The following LONP2 variants were observed in gnomAD, a reference collection of about 807,000 sequenced individuals.
LONP2 encodes lon peptidase 2, peroxisomal.
Under a neutral mutation model 85.6 loss-of-function variants are expected in LONP2, and 60 were observed. The observed-to-expected ratio is 0.70, with a 90% CI of 0.57 to 0.87. The LOEUF is 0.87. Among genes scored for constraint, LONP2 ranks in the 40% least tolerant of loss-of-function variants. LONP2 has a pLI of 0.00. For missense variants in LONP2, 860 were observed against 1,063.5 expected, an observed-to-expected ratio of 0.81 and a Z score of 2.66; for synonymous variants, 395 against 389.7, an observed-to-expected ratio of 1.01 and a Z score of -0.16.
intron 7 of LONP2, among the ~76,000 whole-genome samples, chr16:48,274,794 T>C (rs1890521822): frequency 6.6e-6 from 1 of 152,312 alleles, no homozygotes; most frequent in Non-Finnish European, 1.5e-5. Context: ...GCCAGACTTA[T>C]CATTGGATTT....
chr16:48,316,252 C>T (rs1973140506), intron 11 of LONP2, among the ~76,000 whole-genome samples: 1 of 151,112 alleles, frequency 6.6e-6, no homozygotes, highest in African/African-American at 2.4e-5. Context: ...GGTGATCTGC[C>T]CTCCTCTGCC....
intron 9 of LONP2, among the ~76,000 whole-genome samples, chr16:48,298,293 A>G (rs571487624): frequency 6.6e-6 from 1 of 152,318 alleles, no homozygotes; most frequent in African/African-American, 2.4e-5. Flanking sequence ...TGCTTGTTAA[A>G]TGGAAAGGGA....
At chr16:48,318,396 G>T (rs1402317154) in intron 11 of LONP2, among the ~76,000 whole-genome samples, 1 of 152,114 alleles carries the variant, frequency 6.6e-6, no homozygotes, top group African/African-American at 2.4e-5. Flanking sequence ...GCACACACCT[G>T]TAGTCCCAGC....
rs1307692858 is a variant in LONP2 at position 48,355,854 on chromosome 16, TTAAAC to T, written c.*4055_*4059del. 6.6e-6 allele frequency: 1 copy of T among 152,220 alleles called. No individual in the cohort carries two copies. Among genetic ancestry groups the T allele is most frequent in the African/African-American group, 2.4e-5 (1 of 41,462 alleles). 9.4% of individuals were successfully genotyped at this position (152,220 alleles called of 1,614,324 possible). The stretch of plus-strand genomic sequence containing the variant: ...AATTATTAACTCTAGAAATTTTAGT[TTAAAC>T]TAGACTTAGGGATATGTGTATTTTA... On this transcript the variant is annotated 3_prime_UTR_variant, in exon 15 of 15. Coordinates refer to ENST00000285737, the MANE Select transcript of LONP2 (RefSeq NM_031490.5).
intron 5 of LONP2, among the ~76,000 whole-genome samples, chr16:48,262,569 T>C (rs769526600): frequency 2.6e-5 from 4 of 152,202 alleles, no homozygotes; most frequent in Admixed American, 1.3e-4. Flanking sequence ...GAAGGGGCAG[T>C]TAAGTAGGCT....
chr16:48,347,289 T>C (rs1959994097), intron 12 of LONP2, among the ~76,000 whole-genome samples: 1 of 152,226 alleles, frequency 6.6e-6, no homozygotes, highest in Non-Finnish European at 1.5e-5. Flanking sequence ...AAGGTAAAAT[T>C]GCCTCTGATA....
rs1331706082 is a variant in LONP2, at chr16:48,347,699, T to C, written c.2131T>C (p.Tyr711His). ...ISWLRSNAKK[Y>H]QLTNAFGSFD... ...CTGGCTCCGCAGCAACGCAAAGAAG[T>C]ACCAGCTGACCAATGGTAGGAGCCT... Residue 711 changes from tyrosine (Y) to histidine (H), a missense_variant, in exon 13 of 15, where the codon TAC becomes CAC. Tyr to His is a moderately conservative substitution (Grantham distance 83). Coordinates refer to ENST00000285737, the MANE Select transcript of LONP2 (RefSeq NM_031490.5). 2 of 1,613,298 alleles carry C rather than the reference T, an allele frequency of 1.2e-6. No homozygotes were observed. Among genetic ancestry groups the C allele is most frequent in the Admixed American group, 1.7e-5 (1 of 59,966 alleles).
chr16:48,358,109 T>C (rs907460861), downstream of LONP2, among the ~76,000 whole-genome samples: 1 of 152,230 alleles, frequency 6.6e-6, no homozygotes, highest in Non-Finnish European at 1.5e-5. Context: ...AATATGGCTA[T>C]AGATCTTACC....
At chr16:48,340,907 ACT>A (rs1959790219) in intron 12 of LONP2, among the ~76,000 whole-genome samples, 2 of 152,028 alleles carry the variant, frequency 1.3e-5, no homozygotes, top group South Asian at 2.1e-4. Context: ...CAGAGTGAAA[ACT>A]CTGTCTCAAA....
chr16:48,256,060 G>A (rs1348895527), intron 2 of LONP2, among the ~76,000 whole-genome samples: 1 of 152,076 alleles, frequency 6.6e-6, no homozygotes, highest in African/African-American at 2.4e-5. Flanking sequence ...ATCTAATAGG[G>A]TTTATATTGT....
chr16:48,327,902 T>C (rs1410555720), intron 11 of LONP2, among the ~76,000 whole-genome samples: 2 of 152,210 alleles, frequency 1.3e-5, no homozygotes, highest in African/African-American at 4.8e-5. Context: ...TTTTTTCTTA[T>C]GCATATTTAA....
chr16:48,351,583 G>A lies in LONP2; in HGVS notation c.2340G>A (p.Val780=). The part of the protein sequence containing the change: ...EITLRGLVLP[V]GGIKDKVLAA... Reference sequence around the variant, plus strand: ...AAAACTTTTTTCTCTCCTTACAGGTGGGTGGAATTAAAGACAAAGTGCTGG... The same window carrying A: ...AAAACTTTTTTCTCTCCTTACAGGTAGGTGGAATTAAAGACAAAGTGCTGG... The change falls in exon 15 of 15, where the codon GTG becomes GTA. Residue 780 remains valine (V), a splice_region_variant and synonymous_variant. Transcript: ENST00000285737. The A allele has an allele frequency of 6.2e-7, 1 of 1,613,604 alleles. No homozygotes were observed. Among genetic ancestry groups the A allele is most frequent in the South Asian group, 1.1e-5 (1 of 91,066 alleles).
At chr16:48,313,560 T>C (rs1478322741) in intron 11 of LONP2, among the ~76,000 whole-genome samples, 2 of 152,202 alleles carry the variant, frequency 1.3e-5, no homozygotes, top group Non-Finnish European at 2.9e-5. Context: ...CTCCCACTTA[T>C]AAGTGAGAAC....
chr16:48,284,039 G>A (rs567282088), intron 8 of LONP2, among the ~76,000 whole-genome samples: 6 of 152,318 alleles, frequency 3.9e-5, no homozygotes, highest in Middle Eastern at 3.4e-3. Context: ...GGAAGTTACC[G>A]CAGTTGTGGT....
chr16:48,284,162 C>T (rs951667746), intron 8 of LONP2, among the ~76,000 whole-genome samples: 3 of 152,128 alleles, frequency 2.0e-5, no homozygotes, highest in Non-Finnish European at 4.4e-5. Context: ...GCAAAGAAAG[C>T]GGGTTTCTTG....
At chr16:48,314,700 A>G (rs1363946560) in intron 11 of LONP2, among the ~76,000 whole-genome samples, 5 of 152,136 alleles carry the variant, frequency 3.3e-5, no homozygotes, top group Non-Finnish European at 7.4e-5. Context: ...AGTTTTGATC[A>G]TTTTCTGTGG....
chr16:48,277,197 C>A, intron 7 of LONP2, 141 bp from the exon 8 acceptor site: 2 of 662,410 alleles, frequency 3.0e-6, no homozygotes, highest in Non-Finnish European at 4.8e-6. Context: ...ATCATAGTGC[C>A]TTTTAAATAC....
chr16:48,361,791 C>G, downstream of LONP2: 1 of 1,614,148 alleles, frequency 6.2e-7, no homozygotes, highest in East Asian at 2.2e-5. Flanking sequence ...CTTGCGTGTT[C>G]CTATCAGCTG....
chr16:48,248,453 T>TTG, intron 1 of LONP2, among the ~76,000 whole-genome samples: 1 of 152,142 alleles, frequency 6.6e-6, no homozygotes, highest in Middle Eastern at 3.4e-3. Context: ...ATTTACTCAC[T>TTG]TGTAATAAGG....
Sources: allele counts gnomAD v4.1 joint callset (sites outside exome capture counted in the v4.1 genomes callset), GRCh38; gene constraint gnomAD v4.1.1; transcripts MANE v1.5; gene names NCBI Gene and HGNC (gene_info 2026-07-23, HGNC 2026-07-21).